The following FGF12 variants were observed in gnomAD, a reference collection of about 807,000 sequenced individuals.
FGF12 encodes fibroblast growth factor 12B.
In FGF12, 14 loss-of-function variants were observed where a neutral mutation model predicts 23.6. The ratio of observed to expected loss-of-function variants is 0.59; its 90% CI spans 0.39 to 0.93. FGF12 has a LOEUF of 0.93. Ranked by LOEUF, FGF12 falls within the 40% of genes least tolerant of loss-of-function variation. The probability of loss-of-function intolerance (pLI) is 0.00; values close to 1 mark genes in which losing one functional copy is unlikely to be tolerated. For synonymous variants in FGF12, 62 were observed against 77.3 expected (o/e 0.80, Z 1.04); for missense variants, 175 against 217.8 (o/e 0.80, Z 1.24).
chr3:192,236,635 G>A (rs1719312301), intron 4 of FGF12, among the ~76,000 whole-genome samples: 1 of 152,038 alleles, frequency 6.6e-6, no homozygotes, highest in Non-Finnish European at 1.5e-5. Context: ...ATCACTGTTG[G>A]CTTAAAGTCT....
chr3:192,413,651 TTGAAA>T (rs1300737859), intron 2 of FGF12, among the ~76,000 whole-genome samples: 1 of 152,258 alleles, frequency 6.6e-6, no homozygotes, highest in Non-Finnish European at 1.5e-5. Context: ...GAAAATTTAC[TTGAAA>T]TGAATGATTA....
intron 2 of FGF12, among the ~76,000 whole-genome samples, chr3:192,627,217 T>C (rs1249254791): frequency 6.6e-6 from 1 of 152,100 alleles, no homozygotes; most frequent in African/African-American, 2.4e-5. Context: ...ATATATAGTT[T>C]GTAATATAAT....
intron 2 of FGF12, among the ~76,000 whole-genome samples, chr3:192,426,136 G>GT (rs1297674230): frequency 2.6e-5 from 4 of 152,204 alleles, no homozygotes; most frequent in Non-Finnish European, 5.9e-5. Flanking sequence ...GACTAGTAGT[G>GT]TAAGACCTGG....
intron 2 of FGF12, among the ~76,000 whole-genome samples, chr3:192,707,484 AC>A (rs1156420717): frequency 6.6e-6 from 1 of 152,154 alleles, no homozygotes; most frequent in Admixed American, 6.5e-5. Flanking sequence ...GCGGTGGCTC[AC>A]GCCTGTAATC....
chr3:192,281,929 A>C (rs1223264828), intron 4 of FGF12, among the ~76,000 whole-genome samples: 1 of 152,116 alleles, frequency 6.6e-6, no homozygotes, highest in African/African-American at 2.4e-5. Flanking sequence ...TTCCTGCAAA[A>C]CTGTTTCCAT....
intron 2 of FGF12, among the ~76,000 whole-genome samples, chr3:192,535,646 G>A (rs1389833757): frequency 6.6e-6 from 1 of 152,164 alleles, no homozygotes; most frequent in Non-Finnish European, 1.5e-5. Flanking sequence ...TTTGACAGAA[G>A]CAGAATTCAG....
chr3:192,303,215 A>C (rs1206129945), intron 4 of FGF12, among the ~76,000 whole-genome samples: 7 of 152,210 alleles, frequency 4.6e-5, no homozygotes, highest in Admixed American at 1.3e-4. Flanking sequence ...CATTACACAA[A>C]TTTAAGTATG....
rs191541859 is a variant in FGF12, at chr3:192,389,196, C to T, written c.14-28658G>A. Among the ~76,000 whole-genome samples the T allele has an allele frequency of 1.1e-3, 171 of 152,230 alleles. No homozygotes were observed. In the Middle Eastern group the frequency reaches 0.014, roughly 12 times the overall value. On this transcript the variant is annotated intron_variant, in intron 2 of 5. Transcript: ENST00000445105. ...GCAACATGGCGAAACCCCATCTCTA[C>T]TAAAAATACAAAAATTAGCCAGGCA...
chr3:192,634,706 A>ATAT (rs1290658844), intron 2 of FGF12, among the ~76,000 whole-genome samples: 1 of 152,166 alleles, frequency 6.6e-6, no homozygotes, highest in Admixed American at 6.5e-5. Context: ...TAAATGAATA[A>ATAT]ATTACTTTAT....
chr3:192,179,399 C>G (rs995728261), intron 4 of FGF12, among the ~76,000 whole-genome samples: 2 of 152,172 alleles, frequency 1.3e-5, no homozygotes, highest in East Asian at 3.9e-4. Flanking sequence ...CAACCTGTGA[C>G]GTACTGGAAA....
chr3:192,454,034 CT>C (rs1170594976), intron 2 of FGF12, among the ~76,000 whole-genome samples: 37 of 147,308 alleles, frequency 2.5e-4, no homozygotes, highest in South Asian at 8.6e-4. Context: ...CATTTCTCTC[CT>C]TTTTTTTTTG....
intron 2 of FGF12, among the ~76,000 whole-genome samples, chr3:192,548,797 TAAC>T (rs1223347575): frequency 1.3e-5 from 2 of 151,680 alleles, no homozygotes; most frequent in African/African-American, 4.8e-5. Context: ...ATCTCACCAA[TAAC>T]AACACACAGC....
At chr3:192,499,531 T>A (rs1206692921) in intron 2 of FGF12, among the ~76,000 whole-genome samples, 22 of 102,244 alleles carry the variant, frequency 2.2e-4, no homozygotes, top group African/African-American at 4.7e-4. Context: ...TTTTTTTTTT[T>A]TTTTTTTTTT....
At position 192,628,830 on chromosome 3, in the gene FGF12, TAC is replaced by T. The variant is rs1329379347; in HGVS notation, c.13+98349_13+98350del. Reference sequence around the variant, plus strand: ...CTTTCTACATAGATATTAATATATATACACACACACACATACACAATCCTATC... The same window carrying T: ...CTTTCTACATAGATATTAATATATATACACACACACATACACAATCCTATC... On this transcript the variant is annotated intron_variant, in intron 2 of 5. Transcript: ENST00000445105. Among the ~76,000 whole-genome samples the T allele has an allele frequency of 4.0e-5, 6 of 149,192 alleles. No individual in the cohort carries two copies. The South Asian group carries it at 8.5e-4, about 21-fold the overall frequency.
intron 2 of FGF12, among the ~76,000 whole-genome samples, chr3:192,517,343 T>C (rs887981029): frequency 6.6e-6 from 1 of 152,234 alleles, no homozygotes; most frequent in Non-Finnish European, 1.5e-5. Flanking sequence ...TGTTAGACTA[T>C]TGACGTCTAA....
At chr3:192,357,212 G>A (rs1257393881) in intron 3 of FGF12, among the ~76,000 whole-genome samples, 1 of 152,080 alleles carries the variant, frequency 6.6e-6, no homozygotes, top group Admixed American at 6.5e-5. Context: ...GGCCAGGCAC[G>A]GTGACTCACG....
chr3:192,652,659 A>T (rs1488110476), intron 2 of FGF12, among the ~76,000 whole-genome samples: 3 of 152,200 alleles, frequency 2.0e-5, no homozygotes, highest in Non-Finnish European at 2.9e-5. Context: ...TCACAAATTT[A>T]CCAAATCATA....
intron 2 of FGF12, among the ~76,000 whole-genome samples, chr3:192,461,036 C>A (rs941683723): frequency 6.6e-6 from 1 of 152,156 alleles, no homozygotes; most frequent in African/African-American, 2.4e-5. Context: ...AATCTATAAT[C>A]CATGATCTGT....
intron 2 of FGF12, among the ~76,000 whole-genome samples, chr3:192,467,713 A>C (rs189561841): frequency 6.6e-6 from 1 of 152,290 alleles, no homozygotes; most frequent in Non-Finnish European, 1.5e-5. Context: ...TTAAAGATAA[A>C]AATACTAGGC....
Sources: gnomAD v4.1 joint callset for allele counts (sites outside exome capture counted in the v4.1 genomes callset) on GRCh38, gnomAD v4.1.1 for gene constraint, MANE v1.5 for transcripts, NCBI Gene and HGNC (gene_info 2026-07-23, HGNC 2026-07-21) for gene names.